INSL6: variants seen among roughly 807,000 people sequenced by gnomAD.
INSL6 encodes the protein insulin-like peptide INSL6.
In INSL6, 16 loss-of-function variants were observed where a neutral mutation model predicts 9.4. The observed-to-expected ratio is 1.70, with a 90% CI of 1.15 to 2.59. INSL6 has a LOEUF of 2.59. INSL6 is among the 30% of genes most tolerant of loss of function. INSL6 has a pLI of 0.00. For synonymous variants in INSL6, 154 were observed against 96.9 expected (o/e 1.59, Z -3.46); for missense variants, 391 against 257.3 (o/e 1.52, Z -3.56).
chr9:5,142,708 C>G (rs1265437325), intron 2 of INSL6, among the ~76,000 whole-genome samples: 1 of 152,084 alleles, frequency 6.6e-6, no homozygotes, highest in African/African-American at 2.4e-5. Context: ...CTTGCCTGAT[C>G]ACCCTGGCCA....
the INSL6 span, chr9:5,111,325 C>G: frequency 4.5e-6 from 2 of 443,028 alleles, no homozygotes; most frequent in Non-Finnish European, 8.7e-6. Flanking sequence ...GGACCCCTGT[C>G]CCCCTCAGGC....
the INSL6 span, among the ~76,000 whole-genome samples, chr9:5,035,474 A>G: frequency 6.6e-6 from 1 of 152,228 alleles, no homozygotes; most frequent in Admixed American, 6.5e-5. Context: ...CATTGATGCA[A>G]AAATCCTCAA....
chr9:5,172,262 G>A (rs1470516784), intron 1 of INSL6, among the ~76,000 whole-genome samples: 1 of 151,438 alleles, frequency 6.6e-6, no homozygotes, highest in Non-Finnish European at 1.5e-5. Context: ...TTAATAAATG[G>A]TGCTGGGAGA....
chr9:5,129,349 G>T (rs889127435), intron 3 of INSL6, among the ~76,000 whole-genome samples: 2 of 152,096 alleles, frequency 1.3e-5, no homozygotes, highest in African/African-American at 4.8e-5. Context: ...CCTTGGTTTA[G>T]GGATGTTGTG....
chr9:5,023,671 G>C, the INSL6 span, among the ~76,000 whole-genome samples: 1 of 152,144 alleles, frequency 6.6e-6, no homozygotes, highest in Non-Finnish European at 1.5e-5. Flanking sequence ...AGGCTGTCTT[G>C]TTTCGTCTCC....
intron 3 of INSL6, among the ~76,000 whole-genome samples, chr9:5,130,923 G>A (rs978882201): frequency 4.6e-5 from 7 of 150,580 alleles, no homozygotes; most frequent in Non-Finnish European, 1.0e-4. Context: ...TAGAGACGGG[G>A]TTTCACTGTG....
the INSL6 span, chr9:5,068,871 A>G: frequency 4.2e-6 from 2 of 471,088 alleles, no homozygotes; most frequent in Non-Finnish European, 7.4e-6. Context: ...TTGAGGAACT[A>G]AGTACTTCTA....
intron 1 of INSL6, among the ~76,000 whole-genome samples, chr9:5,174,087 C>A (rs530394339): frequency 1.3e-5 from 2 of 152,290 alleles, no homozygotes; most frequent in South Asian, 4.1e-4. Flanking sequence ...TCTTGCCTAC[C>A]CTAGGACACT....
chr9:5,009,295 C>T, the INSL6 span, among the ~76,000 whole-genome samples: 17 of 152,216 alleles, frequency 1.1e-4, no homozygotes, highest in East Asian at 9.6e-4. Context: ...AAAAATACTG[C>T]TTCATGATAA....
At chr9:5,170,893 C>G (rs1056751729) in intron 1 of INSL6, among the ~76,000 whole-genome samples, 1 of 152,122 alleles carries the variant, frequency 6.6e-6, no homozygotes. Context: ...GGATTCACAG[C>G]TGAATTCTAC....
chr9:5,009,179 G>A, the INSL6 span, among the ~76,000 whole-genome samples: 1 of 152,216 alleles, frequency 6.6e-6, no homozygotes, highest in South Asian at 2.1e-4. Context: ...TGAGCAAATT[G>A]GGTGGTCCGA....
the INSL6 span, among the ~76,000 whole-genome samples, chr9:5,104,374 A>C: frequency 6.6e-6 from 1 of 152,358 alleles, no homozygotes; most frequent in African/African-American, 2.4e-5. Flanking sequence ...GAAGAAGTTG[A>C]ATCTCTGAAT....
chr9:5,151,360 AAAT>A (rs1824709990), intron 2 of INSL6, among the ~76,000 whole-genome samples: 2 of 152,220 alleles, frequency 1.3e-5, no homozygotes, highest in African/African-American at 2.4e-5. Context: ...AAAAATAAGA[AAAT>A]AATGCGTGTA....
At chr9:5,013,410 A>G in the INSL6 span, among the ~76,000 whole-genome samples, 613 of 152,358 alleles carry the variant, frequency 4.0e-3, 4 homozygotes, top group African/African-American at 0.014. Context: ...ATAGAATGCA[A>G]AATCACATGG....
chr9:5,107,119 C>T, the INSL6 span, among the ~76,000 whole-genome samples: 2 of 152,096 alleles, frequency 1.3e-5, no homozygotes, highest in African/African-American at 4.8e-5. Context: ...TGTAGTATGA[C>T]TATTCTTATA....
the INSL6 span, among the ~76,000 whole-genome samples, chr9:5,026,106 C>T: frequency 1.3e-5 from 2 of 152,142 alleles, no homozygotes; most frequent in Non-Finnish European, 2.9e-5. Context: ...ATGTCCATCT[C>T]TAACCTTTCT....
chr9:5,087,999 C>T, the INSL6 span, among the ~76,000 whole-genome samples: 2 of 152,062 alleles, frequency 1.3e-5, no homozygotes, highest in African/African-American at 4.8e-5. Context: ...ATTTTATGAA[C>T]ACATTGTTAA....
At chr9:5,152,137 T>C (rs1057424569) in intron 2 of INSL6, among the ~76,000 whole-genome samples, 3 of 152,166 alleles carry the variant, frequency 2.0e-5, no homozygotes, top group Non-Finnish European at 4.4e-5. Flanking sequence ...AAATCCATTA[T>C]TACAGAGATT....
intron 3 of INSL6, among the ~76,000 whole-genome samples, chr9:5,130,394 CAG>C (rs1232953256): frequency 6.6e-6 from 1 of 152,106 alleles, no homozygotes; most frequent in Non-Finnish European, 1.5e-5. Flanking sequence ...TGGTAAATAA[CAG>C]ATAGATCAAG....
Sources: allele counts gnomAD v4.1 joint callset (sites outside exome capture counted in the v4.1 genomes callset), GRCh38; gene constraint gnomAD v4.1.1; transcripts MANE v1.5; gene names NCBI Gene and HGNC (gene_info 2026-07-23, HGNC 2026-07-21).